Variants in SPATS2L observed in about 807,000 individuals in gnomAD.
SPATS2L encodes spermatogenesis associated serine rich 2 like.
SPATS2L carries 30 observed loss-of-function variants against 59.6 expected under a neutral mutation model. The ratio of observed to expected loss-of-function variants is 0.50; its 90% confidence interval spans 0.38 to 0.68. The LOEUF (loss-of-function observed/expected upper bound fraction) is 0.68, where lower values mean the gene tolerates loss of function less well. Among genes scored for constraint, SPATS2L ranks in the 30% least tolerant of loss-of-function variants. The probability of loss-of-function intolerance (pLI) is 0.00; values close to 1 mark genes in which losing one functional copy is unlikely to be tolerated. For synonymous variants in SPATS2L, 252 were observed against 263.5 expected, an observed-to-expected ratio of 0.96 and a Z score of 0.42; for missense variants, 615 against 700.0, an observed-to-expected ratio of 0.88 and a Z score of 1.37.
At chr2:200,365,489 A>G (rs768182964) in intron 2 of SPATS2L, among the ~76,000 whole-genome samples, 4 of 152,166 alleles carry the variant, frequency 2.6e-5, no homozygotes, top group East Asian at 3.8e-4. Context: ...TTCAAAGTCT[A>G]TACATGGGAC....
At chr2:200,393,897 C>A (rs1281961712) in intron 3 of SPATS2L, among the ~76,000 whole-genome samples, 2 of 152,120 alleles carry the variant, frequency 1.3e-5, no homozygotes, top group African/African-American at 4.8e-5. Flanking sequence ...TTAATTACTT[C>A]ATAAGAAGTG....
intron 8 of SPATS2L, among the ~76,000 whole-genome samples, chr2:200,446,502 A>G (rs1245335085): frequency 6.6e-6 from 1 of 152,190 alleles, no homozygotes; most frequent in Admixed American, 6.5e-5. Flanking sequence ...TGTCACAGCC[A>G]CAGGGAGAGA....
chr2:200,369,165 T>G (rs1022890347), intron 2 of SPATS2L, among the ~76,000 whole-genome samples: 1 of 152,072 alleles, frequency 6.6e-6, no homozygotes, highest in Non-Finnish European at 1.5e-5. Flanking sequence ...TTTATTTATT[T>G]ATTTATTTTT....
chr2:200,310,074 A>G (rs2079145345), intron 1 of SPATS2L, among the ~76,000 whole-genome samples: 1 of 152,144 alleles, frequency 6.6e-6, no homozygotes, highest in African/African-American at 2.4e-5. Context: ...CCTTCCTTGC[A>G]TCATACAAAT....
intron 2 of SPATS2L, chr2:200,372,275 T>C: frequency 1.2e-6 from 1 of 851,900 alleles, no homozygotes; most frequent in Non-Finnish European, 1.4e-6. Context: ...CTCTCCATTA[T>C]CCTCATTCAA....
At chr2:200,440,830 G>A (rs1336188151) in intron 8 of SPATS2L, 46 bp downstream of exon 8, 1 of 1,582,794 alleles carries the variant, frequency 6.3e-7, no homozygotes, top group African/African-American at 1.4e-5. Flanking sequence ...TGCTTGAGCT[G>A]TTCCAACAGG....
At chr2:200,462,099 A>C (rs1482466136) in intron 9 of SPATS2L, among the ~76,000 whole-genome samples, 5 of 152,226 alleles carry the variant, frequency 3.3e-5, no homozygotes, top group Non-Finnish European at 1.5e-5. Flanking sequence ...CTACTTCTCA[A>C]GTATAGCTTA....
At chr2:200,389,535 C>A in intron 3 of SPATS2L, 1 of 372,980 alleles carries the variant, frequency 2.7e-6, no homozygotes, top group Non-Finnish European at 4.9e-6. Flanking sequence ...GTTGTTATTT[C>A]CATTTTACAG....
intron 1 of SPATS2L, among the ~76,000 whole-genome samples, chr2:200,313,129 C>G (rs540640311): frequency 3.7e-4 from 56 of 152,316 alleles, no homozygotes; most frequent in African/African-American, 1.1e-3. Context: ...TGAGGTAACA[C>G]ATGGTGACAC....
At chr2:200,366,388 T>A (rs937279454) in intron 2 of SPATS2L, among the ~76,000 whole-genome samples, 5 of 152,208 alleles carry the variant, frequency 3.3e-5, no homozygotes, top group African/African-American at 1.2e-4. Flanking sequence ...CTTTTGAGCC[T>A]GAGAAAATAA....
At chr2:200,366,043 T>C (rs1310829330) in intron 2 of SPATS2L, among the ~76,000 whole-genome samples, 1 of 152,218 alleles carries the variant, frequency 6.6e-6, no homozygotes, top group Non-Finnish European at 1.5e-5. Flanking sequence ...AAGTTCCTTC[T>C]GTCCATACAG....
intron 6 of SPATS2L, among the ~76,000 whole-genome samples, chr2:200,425,398 C>T (rs886680004): frequency 1.2e-4 from 19 of 152,222 alleles, no homozygotes; most frequent in African/African-American, 3.9e-4. Context: ...AGGATTTCAG[C>T]GGTGCCAGCT....
chr2:200,467,652 C>T (rs570458979), intron 10 of SPATS2L, among the ~76,000 whole-genome samples: 1 of 152,200 alleles, frequency 6.6e-6, no homozygotes, highest in South Asian at 2.1e-4. Flanking sequence ...AGAGACTGAA[C>T]CAAATAAAGT....
intron 6 of SPATS2L, among the ~76,000 whole-genome samples, chr2:200,436,240 T>C (rs1047457694): frequency 7.9e-5 from 12 of 152,208 alleles, no homozygotes; most frequent in African/African-American, 2.7e-4. Context: ...GTTATAGCTC[T>C]ATAACGCTCC....
intron 1 of SPATS2L, among the ~76,000 whole-genome samples, chr2:200,316,510 A>G (rs1475040010): frequency 6.6e-6 from 1 of 152,242 alleles, no homozygotes; most frequent in Non-Finnish European, 1.5e-5. Context: ...TCCAGAGGGC[A>G]TACAGCTTCC....
intron 8 of SPATS2L, among the ~76,000 whole-genome samples, chr2:200,458,839 T>C (rs180709398): frequency 7.2e-5 from 11 of 152,320 alleles, no homozygotes; most frequent in Admixed American, 7.2e-4. Context: ...TAGTAAATTA[T>C]TGTGGTCCCC....
intron 1 of SPATS2L, among the ~76,000 whole-genome samples, chr2:200,324,636 G>A (rs1423358843): frequency 6.6e-6 from 1 of 152,144 alleles, no homozygotes; most frequent in Non-Finnish European, 1.5e-5. Context: ...AGCAAGATGT[G>A]TCTCCAGAGT....
chr2:200,365,335 GC>G (rs2081234652), intron 2 of SPATS2L, among the ~76,000 whole-genome samples: 1 of 152,208 alleles, frequency 6.6e-6, no homozygotes, highest in South Asian at 2.1e-4. Flanking sequence ...CCTGTTTACA[GC>G]CAAAGATCAT....
At chr2:200,408,785 G>A (rs2082774828) in intron 3 of SPATS2L, among the ~76,000 whole-genome samples, 1 of 152,252 alleles carries the variant, frequency 6.6e-6, no homozygotes, top group African/African-American at 2.4e-5. Flanking sequence ...AGGCGCCATG[G>A]GGCAGAGCCT....
Sources: allele counts gnomAD v4.1 joint callset (sites outside exome capture counted in the v4.1 genomes callset), GRCh38; gene constraint gnomAD v4.1.1; transcripts MANE v1.5; gene names NCBI Gene and HGNC (gene_info 2026-07-23, HGNC 2026-07-21).